Variants in NR3C1 observed in about 807,000 individuals in gnomAD.
NR3C1 encodes the protein glucocorticoid receptor.
NR3C1 carries 14 observed loss-of-function variants against 74.0 expected under a neutral mutation model. The ratio of observed to expected loss-of-function variants is 0.19; its 90% CI spans 0.12 to 0.30. The LOEUF is 0.30. Among genes scored for constraint, NR3C1 ranks in the 10% least tolerant of loss-of-function variants. NR3C1 has a pLI of 1.00. For synonymous variants in NR3C1, 308 were observed against 332.5 expected, an observed-to-expected ratio of 0.93 and a Z score of 0.80; for missense variants, 695 against 909.8, an observed-to-expected ratio of 0.76 and a Z score of 3.04.
intron 2 of NR3C1, among the ~76,000 whole-genome samples, chr5:143,335,282 G>A (rs940097157): frequency 6.6e-6 from 1 of 152,146 alleles, no homozygotes; most frequent in Non-Finnish European, 1.5e-5. Context: ...CCCACACTGA[G>A]GAAAACTCTC....
intron 2 of NR3C1, among the ~76,000 whole-genome samples, chr5:143,377,304 T>A (rs921044466): frequency 6.6e-6 from 1 of 152,100 alleles, no homozygotes; most frequent in African/African-American, 2.4e-5. Context: ...CATGACTCAA[T>A]ATGATGGCTT....
chr5:143,318,575 A>T (rs1487003737), intron 2 of NR3C1, among the ~76,000 whole-genome samples: 1 of 152,098 alleles, frequency 6.6e-6, no homozygotes, highest in Non-Finnish European at 1.5e-5. Context: ...AAAAATTCTG[A>T]TTTTTGCTTG....
intron 2 of NR3C1, among the ~76,000 whole-genome samples, chr5:143,377,078 C>G (rs879891228): frequency 1.3e-5 from 2 of 152,150 alleles, no homozygotes; most frequent in Admixed American, 6.5e-5. Flanking sequence ...GAAATTCCAT[C>G]CTTATGATTT....
At chr5:143,337,842 GAAAAACAA>G (rs1440425857) in intron 2 of NR3C1, among the ~76,000 whole-genome samples, 2 of 152,104 alleles carry the variant, frequency 1.3e-5, no homozygotes, top group Non-Finnish European at 2.9e-5. Context: ...TAGGTAGTAA[GAAAAACAA>G]GAAAACAACG....
intron 2 of NR3C1, among the ~76,000 whole-genome samples, chr5:143,323,008 T>C (rs911498272): frequency 1.3e-5 from 2 of 152,246 alleles, no homozygotes; most frequent in Admixed American, 6.5e-5. Context: ...GTTTCACTTT[T>C]GACAGTTTCA....
chr5:143,387,920 A>T (rs1292060249), intron 2 of NR3C1, among the ~76,000 whole-genome samples: 1 of 152,194 alleles, frequency 6.6e-6, no homozygotes, highest in Non-Finnish European at 1.5e-5. Flanking sequence ...TTCTTGCCTG[A>T]CCTTCTAGGT....
chr5:143,400,003 T>C lies in NR3C1; in HGVS notation c.837A>G (p.Glu279=). Reference sequence around the variant, plus strand: ...TGCAGAGTTCGATGAAATCTTCTTTTTCTGTTTTCACTTGGGGCAGTGTTA... The same window carrying C: ...TGCAGAGTTCGATGAAATCTTCTTTCTCTGTTTTCACTTGGGGCAGTGTTA... ...SNVTLPQVKT[E]KEDFIELCTP... Residue 279 remains glutamate, a synonymous_variant, in exon 2 of 9, where the codon GAA becomes GAG. Coordinates refer to ENST00000394464, the MANE Select transcript of NR3C1 (RefSeq NM_000176.3). 6.2e-7 allele frequency: 1 copy of C among 1,614,214 alleles called. No individual in the cohort carries two copies. The highest frequency in any genetic ancestry group is 1.1e-5 in the South Asian group (1 of 91,084).
At chr5:143,353,938 C>T (rs530202440) in intron 2 of NR3C1, among the ~76,000 whole-genome samples, 72 of 152,322 alleles carry the variant, frequency 4.7e-4, no homozygotes, top group African/African-American at 1.6e-3. Flanking sequence ...CAACAAAAGG[C>T]TTTTTCATCT....
intron 4 of NR3C1, among the ~76,000 whole-genome samples, chr5:143,306,103 T>C (rs1295810552): frequency 1.3e-5 from 2 of 152,140 alleles, no homozygotes; most frequent in African/African-American, 4.8e-5. Context: ...AGCAAGTTTT[T>C]TAAAAAAAAA....
At chr5:143,297,917 T>C (rs1366226733) in intron 6 of NR3C1, among the ~76,000 whole-genome samples, 10 of 152,024 alleles carry the variant, frequency 6.6e-5, no homozygotes, top group Admixed American at 6.6e-4. Context: ...TCATGCAGAA[T>C]ATGTACTGGA....
intron 3 of NR3C1, among the ~76,000 whole-genome samples, chr5:143,312,769 C>T (rs1599859069): frequency 1.3e-5 from 2 of 152,058 alleles, no homozygotes; most frequent in African/African-American, 2.4e-5. Flanking sequence ...GCATTTATAT[C>T]GTGGAAATAC....
intron 2 of NR3C1, among the ~76,000 whole-genome samples, chr5:143,365,627 G>T (rs1342350625): frequency 6.6e-6 from 1 of 152,114 alleles, no homozygotes; most frequent in Admixed American, 6.5e-5. Flanking sequence ...ATAGAAATCT[G>T]CAAGGAAACA....
intron 2 of NR3C1, among the ~76,000 whole-genome samples, chr5:143,392,366 A>T (rs1838408110): frequency 1.3e-5 from 2 of 152,246 alleles, no homozygotes; most frequent in Non-Finnish European, 2.9e-5. Flanking sequence ...AAAAAGCAGT[A>T]AGTGACTTTA....
rs1462560146 is a variant in NR3C1 at position 143,338,126 on chromosome 5, C to T, written c.1185-23958G>A. On this transcript the variant is annotated intron_variant, in intron 2 of 8. Transcript: ENST00000394464. The stretch of plus-strand genomic sequence containing the variant: ...TATAATGGAGCTGAAAAAGTCCTAT[C>T]ACTTAGCTGCAGCTGTGCATTGTAA... Among the ~76,000 whole-genome samples the T allele has an allele frequency of 3.9e-5, 6 of 152,196 alleles. No homozygotes were observed. The East Asian group carries it at 1.2e-3, about 29-fold the overall frequency.
chr5:143,434,411 C>A, intron 1 of NR3C1: 3 of 373,944 alleles, frequency 8.0e-6, no homozygotes, highest in Non-Finnish European at 1.1e-5. Context: ...ATCCAGCACA[C>A]AACATCAGCC....
rs104893910 is a variant in NR3C1, at chr5:143,281,982, A to G, written c.2241T>C (p.Ile747=). 6.2e-7 allele frequency: 1 copy of G among 1,613,530 alleles called. No homozygotes were observed. The highest frequency in any genetic ancestry group is 1.3e-5 in the African/African-American group (1 of 74,896). ...TTTCAGCTAACATCTCGGGGAATTCAATACTCATGGTCTTATCCAAAAATG... is the reference window on the plus strand; with the variant it reads ...TTTCAGCTAACATCTCGGGGAATTCGATACTCATGGTCTTATCCAAAAATG... ...FQTFLDKTMS[I]EFPEMLAEII... Residue 747 remains isoleucine (I), a synonymous_variant, in exon 9 of 9, where the codon ATT becomes ATC. Coordinates refer to ENST00000394464, the MANE Select transcript of NR3C1 (RefSeq NM_000176.3).
At chr5:143,406,940 G>A (rs1040001626), upstream of NR3C1, 8 of 152,188 alleles carry the variant, frequency 5.3e-5, no homozygotes, top group African/African-American at 1.7e-4. Context: ...CATTTATTGC[G>A]CATCTGCTGT....
chr5:143,371,555 C>G (rs951530241), intron 2 of NR3C1, among the ~76,000 whole-genome samples: 1 of 152,160 alleles, frequency 6.6e-6, no homozygotes, highest in African/African-American at 2.4e-5. Context: ...CCATGGTGAT[C>G]AGGAGGCAAA....
chr5:143,343,023 C>T (rs1828544987), intron 2 of NR3C1, among the ~76,000 whole-genome samples: 3 of 152,256 alleles, frequency 2.0e-5, no homozygotes, highest in South Asian at 2.1e-4. Context: ...AAAAAATATA[C>T]TAAATAACAC....
Sources: allele counts gnomAD v4.1 joint callset (sites outside exome capture counted in the v4.1 genomes callset), GRCh38; gene constraint gnomAD v4.1.1; transcripts MANE v1.5; gene names NCBI Gene and HGNC (gene_info 2026-07-23, HGNC 2026-07-21).